DTNA: variants seen among roughly 807,000 people sequenced by gnomAD.
The protein encoded by DTNA is dystrobrevin alpha.
In DTNA, 43 loss-of-function variants were observed where a neutral mutation model predicts 100.7. The observed-to-expected ratio is 0.43, with a 90% confidence interval of 0.33 to 0.55. The LOEUF is 0.55. Ranked by LOEUF, DTNA falls within the 20% of genes least tolerant of loss-of-function variation. The pLI is 0.04. For missense variants in DTNA, 798 were observed against 953.9 expected, an observed-to-expected ratio of 0.84 and a Z score of 2.15; for synonymous variants, 349 against 347.9, an observed-to-expected ratio of 1.00 and a Z score of -0.04.
At chr18:34,522,876 C>A (rs1313524320) in intron 1 of DTNA, among the ~76,000 whole-genome samples, 2 of 152,154 alleles carry the variant, frequency 1.3e-5, no homozygotes, top group African/African-American at 4.8e-5. Flanking sequence ...CAGCAGAGCA[C>A]GCATGTCTGT....
intron 17 of DTNA, chr18:34,868,061 T>A (rs777424077): frequency 1.0e-6 from 1 of 959,630 alleles, no homozygotes; most frequent in Non-Finnish European, 1.2e-6. Context: ...TTCATAAAAT[T>A]GAAATAGAAA....
chr18:34,494,655 T>G (rs2038979224), intron 1 of DTNA, among the ~76,000 whole-genome samples: 1 of 150,940 alleles, frequency 6.6e-6, no homozygotes, highest in African/African-American at 2.4e-5. Context: ...AACTTGGCCG[T>G]GAGGGGCGCA....
At chr18:34,648,421 A>G (rs150705106) in intron 1 of DTNA, among the ~76,000 whole-genome samples, 431 of 152,334 alleles carry the variant, frequency 2.8e-3, no homozygotes, top group African/African-American at 9.7e-3. Context: ...ACTATTGGAA[A>G]TCATCCAAAT....
rs2086026950 is a variant in DTNA, at chr18:34,724,109, G to A, written c.-2+13664G>A. On this transcript the variant is annotated intron_variant, in intron 1 of 22. Coordinates refer to ENST00000444659, the MANE Select transcript of DTNA (RefSeq NM_001386795.1). The stretch of plus-strand genomic sequence containing the variant: ...TGAAAGCCATTCTCACACTTTATTG[G>A]TGGTGAAATATAAATTAATACAATC... Among the ~76,000 whole-genome samples, 4 of 152,086 alleles carry A rather than the reference G, an allele frequency of 2.6e-5. No homozygotes were observed. In the South Asian group the frequency reaches 8.3e-4, roughly 32 times the overall value.
At chr18:34,503,820 T>C (rs1264013651) in intron 1 of DTNA, among the ~76,000 whole-genome samples, 1 of 151,858 alleles carries the variant, frequency 6.6e-6, no homozygotes, top group Non-Finnish European at 1.5e-5. Flanking sequence ...TGTATCACTG[T>C]ACAGAGTTTG....
intron 1 of DTNA, among the ~76,000 whole-genome samples, chr18:34,755,016 C>A (rs531161042): frequency 6.6e-6 from 1 of 152,338 alleles, no homozygotes; most frequent in East Asian, 1.9e-4. Context: ...AGGCAAAAAA[C>A]CATGCAGCTA....
Position 34,731,485 on chromosome 18 carries a change from C to CA in DTNA, c.-2+21054dup, listed in dbSNP as rs10712202. Among the ~76,000 whole-genome samples, 558 of 106,454 alleles carry CA rather than the reference C, an allele frequency of 5.2e-3. 1 individual carries two copies. The highest frequency in any genetic ancestry group is 0.012 in the Admixed American group (121 of 9,754). The allele number at this position is 106,454 out of a possible 152,430, so 69.8% of individuals were successfully genotyped here. On this transcript the variant is annotated intron_variant, in intron 1 of 22. Coordinates refer to ENST00000444659, the MANE Select transcript of DTNA (RefSeq NM_001386795.1). ...TGGGCGACAGAGCGAGACTCCGTCT[C>CA]AAAAAAAAAAAAAAGATTTGTGCGA...
At chr18:34,887,630 T>C in intron 22 of DTNA, 136 bp from the exon 23 acceptor site, 1 of 563,014 alleles carries the variant, frequency 1.8e-6, no homozygotes, top group Non-Finnish European at 2.2e-6. Context: ...AGGAAAGGAG[T>C]GTGTGTGTGC....
chr18:34,580,205 A>G (rs1053986959), intron 1 of DTNA, among the ~76,000 whole-genome samples: 1 of 151,926 alleles, frequency 6.6e-6, no homozygotes, highest in Non-Finnish European at 1.5e-5. Flanking sequence ...AAATTTCCCA[A>G]TGTTAATGCA....
intron 1 of DTNA, among the ~76,000 whole-genome samples, chr18:34,712,989 A>G (rs1005787023): frequency 4.6e-5 from 7 of 152,190 alleles, no homozygotes; most frequent in Admixed American, 3.3e-4. Context: ...ATGACTCAAT[A>G]TCATCTAGAT....
intron 1 of DTNA, among the ~76,000 whole-genome samples, chr18:34,686,097 G>A (rs2078856015): frequency 6.6e-6 from 1 of 152,152 alleles, no homozygotes; most frequent in East Asian, 1.9e-4. Flanking sequence ...AAGATAATTT[G>A]ACTTCCTGTC....
At chr18:34,866,204 T>C (rs2096701575) in intron 17 of DTNA, 2 of 1,613,842 alleles carry the variant, frequency 1.2e-6, no homozygotes, top group Admixed American at 1.7e-5. Flanking sequence ...TTCTCATTGC[T>C]TTTGCTCTAA....
chr18:34,626,734 CTTT>C (rs545843520), intron 1 of DTNA, among the ~76,000 whole-genome samples: 4 of 152,152 alleles, frequency 2.6e-5, no homozygotes, highest in Non-Finnish European at 5.9e-5. Context: ...TTTTGTAAGG[CTTT>C]AGGGTCTGCT....
At chr18:34,576,723 T>G (rs563633568) in intron 1 of DTNA, among the ~76,000 whole-genome samples, 4 of 152,268 alleles carry the variant, frequency 2.6e-5, no homozygotes, top group South Asian at 4.1e-4. Context: ...CCTCCCGAAG[T>G]GCTGGAATTG....
Position 34,890,811 on chromosome 18 carries a change from G to GC in DTNA, c.*3077_*3078insC. On this transcript the variant is annotated 3_prime_UTR_variant, in exon 23 of 23. Coordinates refer to ENST00000444659, the MANE Select transcript of DTNA (RefSeq NM_001386795.1). ...TAATGTGAACTGAATTGCATTAAGA[G>GC]TGTGTGGCCTTTGTTGTGATATACT... is the stretch of plus-strand genomic sequence containing the variant. 1 of 227,832 alleles carries GC rather than the reference G, an allele frequency of 4.4e-6. No homozygotes were observed. The highest frequency in any genetic ancestry group is 8.7e-6 in the Non-Finnish European group (1 of 114,862). 14.1% of individuals were successfully genotyped at this position (227,832 alleles called of 1,614,324 possible).
chr18:34,603,098 T>C (rs1355631362), intron 1 of DTNA, among the ~76,000 whole-genome samples: 1 of 151,844 alleles, frequency 6.6e-6, no homozygotes, highest in Non-Finnish European at 1.5e-5. Context: ...GGTGTGTGCC[T>C]GTAGTTCCAA....
chr18:34,515,284 G>A (rs1451172398), intron 1 of DTNA, among the ~76,000 whole-genome samples: 1 of 151,922 alleles, frequency 6.6e-6, no homozygotes, highest in Non-Finnish European at 1.5e-5. Flanking sequence ...ATTTTTGTTT[G>A]GACTGTTGGT....
At chr18:34,580,533 C>T (rs62097184) in intron 1 of DTNA, among the ~76,000 whole-genome samples, 1,668 of 152,164 alleles carry the variant, frequency 0.011, 14 homozygotes, top group South Asian at 0.018. Context: ...GTAAGCTTTG[C>T]TATAGCTTTA....
At chr18:34,535,266 T>A (rs1384843622) in intron 1 of DTNA, among the ~76,000 whole-genome samples, 1 of 152,194 alleles carries the variant, frequency 6.6e-6, no homozygotes, top group Non-Finnish European at 1.5e-5. Flanking sequence ...TTTTTTCACG[T>A]TTCTTGGCCA....
Sources: gnomAD v4.1 joint callset for allele counts (sites outside exome capture counted in the v4.1 genomes callset) on GRCh38, gnomAD v4.1.1 for gene constraint, MANE v1.5 for transcripts, NCBI Gene and HGNC (gene_info 2026-07-23, HGNC 2026-07-21) for gene names.